The following EIF3E variants were observed in gnomAD, a reference collection of about 807,000 sequenced individuals.
EIF3E encodes the protein eukaryotic translation initiation factor 3 subunit E, also known as eIF-3 p48.
Under a neutral mutation model 59.3 loss-of-function variants are expected in EIF3E, and 25 were observed. The observed-to-expected ratio is 0.42, with a 90% CI of 0.31 to 0.59. The LOEUF (loss-of-function observed/expected upper bound fraction) is 0.59, where lower values mean the gene tolerates loss of function less well. Ranked by LOEUF, EIF3E falls within the 20% of genes least tolerant of loss-of-function variation. EIF3E has a pLI of 0.15. For synonymous variants in EIF3E, 176 were observed against 170.2 expected, an observed-to-expected ratio of 1.03 and a Z score of -0.26; for missense variants, 317 against 534.3, an observed-to-expected ratio of 0.59 and a Z score of 4.01.
At chr8:108,202,370 TC>T in intron 12 of EIF3E, among the ~76,000 whole-genome samples, 1 of 152,014 alleles carries the variant, frequency 6.6e-6, no homozygotes, top group East Asian at 1.9e-4. Context: ...TCTCTGCATA[TC>T]CCACAACTGC....
intron 1 of EIF3E, among the ~76,000 whole-genome samples, chr8:108,245,396 A>G (rs951023701): frequency 6.6e-6 from 1 of 152,166 alleles, no homozygotes; most frequent in Admixed American, 6.5e-5. Context: ...TTGAGCCCAG[A>G]AAGTCAGGGC....
chr8:108,206,824 T>G (rs1265539335), intron 10 of EIF3E, among the ~76,000 whole-genome samples: 1 of 152,134 alleles, frequency 6.6e-6, no homozygotes, highest in Non-Finnish European at 1.5e-5. Context: ...AAATTCCATC[T>G]TATGTAATAA....
At chr8:108,219,319 A>T (rs893197641) in intron 7 of EIF3E, among the ~76,000 whole-genome samples, 2 of 152,114 alleles carry the variant, frequency 1.3e-5, no homozygotes, top group African/African-American at 4.8e-5. Context: ...AGCCAGCAAA[A>T]TTTTTGTAAA....
chr8:108,212,807 A>G (rs78046702), intron 10 of EIF3E, among the ~76,000 whole-genome samples: 3 of 35,346 alleles, frequency 8.5e-5, no homozygotes, highest in Non-Finnish European at 1.6e-4. Context: ...GTCTCCCCCC[A>G]AAAAAAGAAA....
chr8:108,216,610 C>A (rs996862323), intron 8 of EIF3E, 97 bp from the exon 9 acceptor site: 2 of 837,638 alleles, frequency 2.4e-6, no homozygotes, highest in Non-Finnish European at 3.8e-6. Context: ...TCCTTCTTTA[C>A]CATTAATTTC....
chr8:108,204,776 GAGAGAC>G lies in EIF3E; in HGVS notation c.1062-1279_1062-1274del, dbSNP rs1299685233. ...AGAGAGAGAGAGAGAGAGAGAGAGAGAGAGACAGAGAGAGAGAGAGAGAGAGACTGA... is the reference window on the plus strand; with the variant it reads ...AGAGAGAGAGAGAGAGAGAGAGAGAGAGAGAGAGAGAGAGAGAGAGACTGA... On this transcript the variant is annotated intron_variant, in intron 10 of 12. Transcript: ENST00000220849. 8.2e-3 allele frequency among the ~76,000 whole-genome samples: 1,022 copies of G among 123,968 alleles called. 11 individuals carry two copies. The highest frequency in any genetic ancestry group is 0.02 in the African/African-American group (558 of 27,706). The allele number at this position is 123,968 out of a possible 152,430, so 81.3% of individuals were successfully genotyped here.
chr8:108,248,517 G>A, intron 1 of EIF3E, 96 bp downstream of exon 1: 1 of 1,229,668 alleles, frequency 8.1e-7, no homozygotes, highest in Non-Finnish European at 1.2e-6. Flanking sequence ...CGACCGCCTC[G>A]CACGTGTCAG....
chr8:108,228,136 TCTA>T, intron 7 of EIF3E, 128 bp downstream of exon 7: 2 of 999,394 alleles, frequency 2.0e-6, no homozygotes, highest in Non-Finnish European at 2.8e-6. Context: ...AACAAGCAAA[TCTA>T]CTACATGAAG....
At chr8:108,233,561 C>A in intron 5 of EIF3E, 1 of 189,374 alleles carries the variant, frequency 5.3e-6, no homozygotes, top group Non-Finnish European at 1.1e-5. Flanking sequence ...CTTAGACAGG[C>A]AGGGTGCAGA....
rs145537905 is a variant in EIF3E, at chr8:108,248,675, T to C, written c.28A>G (p.Ile10Val). 6 of 1,614,070 alleles carry C rather than the reference T, an allele frequency of 3.7e-6. No individual in the cohort carries two copies. The highest frequency in any genetic ancestry group is 1.3e-5 in the African/African-American group (1 of 74,928). The stretch of plus-strand genomic sequence containing the variant: ...AGATGCCGATCCAAAAAGTGCGCGA[T>C]GCGAGTAGTCAAGTCGTACTCCGCC... The part of the protein sequence containing the change: MAEYDLTTR[I>V]AHFLDRHLVF... The change falls in exon 1 of 13, where the codon ATC becomes GTC. Residue 10 changes from isoleucine (I) to valine (V), a missense_variant. Around this residue, in one of 4 missense-constraint regions of EIF3E, gnomAD observed 30 missense variants for 22.2 expected, o/e 1.35. Transcript: ENST00000220849.
rs753401116 is a variant in EIF3E at position 108,216,509 on chromosome 8, G to C, written c.854C>G (p.Ser285Cys). 1 of 1,596,576 alleles carries C rather than the reference G, an allele frequency of 6.3e-7. No individual in the cohort carries two copies. Among genetic ancestry groups the C allele is most frequent in the Non-Finnish European group, 8.5e-7 (1 of 1,169,604 alleles). The change falls in exon 9 of 13, where the codon TCT (serine) becomes TGT (cysteine). Residue 285 changes from serine (S) to cysteine (C), a missense_variant. Ser to Cys is a moderately radical substitution (Grantham distance 112). This residue lies in a region of EIF3E where 242 missense variants were observed against 398.0 expected (regional missense o/e 0.61). Coordinates refer to ENST00000220849, the MANE Select transcript of EIF3E (RefSeq NM_001568.3). The part of the protein sequence containing the change: ...KDLVKVIQQE[S>C]YTYKDPITEF... ...TGTAATTGGGTCTTTATATGTGTAA[G>C]ACTCCTGTAAAAATAAGTCAACGGT...
At chr8:108,208,898 A>G (rs573565228) in intron 10 of EIF3E, among the ~76,000 whole-genome samples, 1 of 152,242 alleles carries the variant, frequency 6.6e-6, no homozygotes, top group East Asian at 1.9e-4. Flanking sequence ...TACTAAATTA[A>G]ACCCCAACAC....
intron 3 of EIF3E, among the ~76,000 whole-genome samples, chr8:108,239,023 GAATAA>G (rs1339368994): frequency 5.3e-5 from 8 of 152,112 alleles, no homozygotes; most frequent in Admixed American, 5.2e-4. Context: ...GGGAAGTTAG[GAATAA>G]AATAATCTTA....
rs747609832 is a variant in EIF3E at position 108,235,033 on chromosome 8, CTGAG to C, written c.432_435del (p.Tyr144Ter). ...AAAAAATAAAGATATTCTGCTGCTC[CTGAG>C]TAATTCCCACATTCGTACTGGAATT... On this transcript the variant is annotated frameshift_variant, in exon 5 of 13. Transcript: ENST00000220849. LOFTEE classifies it high-confidence loss of function. The C allele has an allele frequency of 1.2e-5, 19 of 1,603,470 alleles. No homozygotes were observed. The highest frequency in any genetic ancestry group is 1.5e-5 in the Non-Finnish European group (18 of 1,176,206).
chr8:108,234,959 A>AC (rs1491157361), intron 5 of EIF3E, 39 bp downstream of exon 5: 2 of 1,139,400 alleles, frequency 1.8e-6, no homozygotes, highest in African/African-American at 4.5e-5. Context: ...CCTACAAAAG[A>AC]CAAAAAAAAA....
chr8:108,211,720 G>C (rs1447239291), intron 10 of EIF3E, among the ~76,000 whole-genome samples: 1 of 152,164 alleles, frequency 6.6e-6, no homozygotes, highest in African/African-American at 2.4e-5. Flanking sequence ...GTTACCTAAT[G>C]CAGTGGTTTT....
rs750423024 is a variant in EIF3E at position 108,228,306 on chromosome 8, C to A, written c.683G>T (p.Gly228Val). 1 of 1,607,798 alleles carries A rather than the reference C, an allele frequency of 6.2e-7. No individual in the cohort carries two copies. The highest frequency in any genetic ancestry group is 8.5e-7 in the Non-Finnish European group (1 of 1,176,722). ...SLFVFFNHPKGRDNIIDLFLY... is the reference protein window; with the variant it reads ...SLFVFFNHPKVRDNIIDLFLY... ...GAAGAGGTCAATAATATTATCGCGA[C>A]CTTTGGGGTGATTGAAGAAAACAAA... The change falls in exon 7 of 13, where the codon GGT becomes GTT. Residue 228 changes from glycine (G) to valine (V), a missense_variant. Physicochemically the swap from Gly to Val is moderately radical, Grantham distance 109 (BLOSUM62 -3). Around this residue, in one of 4 missense-constraint regions of EIF3E, gnomAD observed 242 missense variants for 398.0 expected, o/e 0.61. Transcript: ENST00000220849.
At chr8:108,240,096 G>C in intron 2 of EIF3E, 21 bp from the exon 3 acceptor site, 2 of 1,563,790 alleles carry the variant, frequency 1.3e-6, no homozygotes, top group Non-Finnish European at 1.8e-6. Context: ...ATGCAGAAGA[G>C]CACTACAATG....
At chr8:108,204,746 T>TATATATATATATATATATATAGAG (rs1354950271) in intron 10 of EIF3E, among the ~76,000 whole-genome samples, 1 of 113,686 alleles carries the variant, frequency 8.8e-6, no homozygotes, top group Non-Finnish European at 1.8e-5. Flanking sequence ...TATATATATA[T>TATATATATATATATATATATAGAG]AGAGAGAGAG....
Sources: allele counts gnomAD v4.1 joint callset (sites outside exome capture counted in the v4.1 genomes callset), GRCh38; gene constraint gnomAD v4.1.1; regional missense constraint gnomAD v4.1.1; transcripts MANE v1.5; gene names NCBI Gene and HGNC (gene_info 2026-07-23, HGNC 2026-07-21).